BICC1: variants seen among roughly 807,000 people sequenced by gnomAD.
BICC1 encodes protein bicaudal C homolog 1.
A neutral mutation model predicts 111.0 loss-of-function variants in BICC1; 43 were observed. The observed-to-expected ratio is 0.39, with a 90% CI of 0.30 to 0.50. The LOEUF is 0.50. Among genes scored for constraint, BICC1 ranks in the 20% least tolerant of loss-of-function variants. The pLI is 0.88. For synonymous variants in BICC1, 467 were observed against 434.4 expected (o/e 1.07, Z -0.93); for missense variants, 1,091 against 1,203.2 (o/e 0.91, Z 1.38).
chr10:58,800,791 C>G lies in BICC1; in HGVS notation c.1859-99C>G, dbSNP rs549464743. 3.3e-6 allele frequency: 4 copies of G among 1,206,088 alleles called. No individual in the cohort carries two copies. In the South Asian group the frequency reaches 5.1e-5, roughly 15 times the overall value. The allele number at this position is 1,206,088 out of a possible 1,614,324, so 74.7% of individuals were successfully genotyped here. On this transcript the variant is annotated intron_variant, in intron 13 of 20. Coordinates refer to ENST00000373886, the MANE Select transcript of BICC1 (RefSeq NM_001080512.3). Reference sequence around the variant, plus strand: ...GGTCTCTGTCAGGTTAATCATGTCTCCATAGAGTAGGGTTCTGATTTGTTT... The same window carrying G: ...GGTCTCTGTCAGGTTAATCATGTCTGCATAGAGTAGGGTTCTGATTTGTTT...
intron 1 of BICC1, among the ~76,000 whole-genome samples, chr10:58,513,637 A>G (rs1292693427): frequency 6.6e-6 from 1 of 152,188 alleles, no homozygotes; most frequent in East Asian, 1.9e-4. Flanking sequence ...GGAGATGCCA[A>G]CTTTAGCCCG....
intron 11 of BICC1, 51 bp downstream of exon 11, chr10:58,798,611 G>T: frequency 3.5e-6 from 5 of 1,411,206 alleles, no homozygotes; most frequent in Non-Finnish European, 4.7e-6. Context: ...GGTGTTACCA[G>T]TTTTTTAAAT....
intron 1 of BICC1, among the ~76,000 whole-genome samples, chr10:58,587,209 T>G (rs1426997278): frequency 6.6e-6 from 1 of 152,186 alleles, no homozygotes; most frequent in East Asian, 1.9e-4. Flanking sequence ...TTCTGCTTGC[T>G]TTACCTAATA....
chr10:58,781,416 T>C (rs1163427102), intron 3 of BICC1, among the ~76,000 whole-genome samples: 1 of 152,176 alleles, frequency 6.6e-6, no homozygotes, highest in East Asian at 1.9e-4. Context: ...AAAACCAAAT[T>C]AAACATGACC....
At chr10:58,733,914 T>C (rs917869897) in intron 3 of BICC1, among the ~76,000 whole-genome samples, 1 of 152,242 alleles carries the variant, frequency 6.6e-6, no homozygotes, top group Non-Finnish European at 1.5e-5. Context: ...TTTGAAATTA[T>C]GGGCAAGTTA....
intron 3 of BICC1, among the ~76,000 whole-genome samples, chr10:58,759,021 A>G (rs947591622): frequency 6.6e-6 from 1 of 151,752 alleles, no homozygotes; most frequent in African/African-American, 2.4e-5. Context: ...GTGCAGTGGC[A>G]CAATCTCGGC....
chr10:58,590,340 C>T (rs1287022218), intron 1 of BICC1, among the ~76,000 whole-genome samples: 1 of 152,140 alleles, frequency 6.6e-6, no homozygotes, highest in African/African-American at 2.4e-5. Flanking sequence ...ATGTAAACTG[C>T]CTGCTTGTGC....
intron 10 of BICC1, 107 bp from the exon 11 acceptor site, chr10:58,798,292 A>G (rs888806483): frequency 3.1e-5 from 27 of 858,922 alleles, no homozygotes; most frequent in South Asian, 1.3e-4. Flanking sequence ...TATATTTAGA[A>G]AATATCAGAT....
intron 2 of BICC1, among the ~76,000 whole-genome samples, chr10:58,651,324 A>G (rs777029850): frequency 1.3e-5 from 2 of 152,198 alleles, no homozygotes; most frequent in Non-Finnish European, 2.9e-5. Flanking sequence ...ATTGTGGAGG[A>G]CATCACCCAC....
intron 1 of BICC1, among the ~76,000 whole-genome samples, chr10:58,550,300 G>A (rs1201136455): frequency 6.6e-6 from 1 of 152,118 alleles, no homozygotes; most frequent in Non-Finnish European, 1.5e-5. Flanking sequence ...AGGGCTACAG[G>A]CATGAGTCTC....
At position 58,658,415 on chromosome 10, in the gene BICC1, C is replaced by G. The variant is rs563089450; in HGVS notation, c.237+37514C>G. 3.9e-5 allele frequency among the ~76,000 whole-genome samples: 6 copies of G among 152,208 alleles called. No homozygotes were observed. The East Asian group carries it at 1.2e-3, about 30-fold the overall frequency. ...TGTTGGCCAGGCTGTTCTCGAACTC[C>G]TGATCTCAGTGATCCACCTGCTTGG... On this transcript the variant is annotated intron_variant, in intron 2 of 20. Transcript: ENST00000373886.
At chr10:58,542,847 TA>T (rs34877289) in intron 1 of BICC1, among the ~76,000 whole-genome samples, 1 of 150,776 alleles carries the variant, frequency 6.6e-6, no homozygotes, top group East Asian at 2.0e-4. Flanking sequence ...TGGCCATTAT[TA>T]AAAAAAAACA....
chr10:58,632,321 C>T (rs750612291), intron 2 of BICC1, among the ~76,000 whole-genome samples: 16 of 152,228 alleles, frequency 1.1e-4, no homozygotes, highest in Admixed American at 2.6e-4. Flanking sequence ...CTGCTAAGGA[C>T]GCCATTCATG....
At chr10:58,693,101 A>C (rs576626066) in intron 2 of BICC1, among the ~76,000 whole-genome samples, 38 of 152,208 alleles carry the variant, frequency 2.5e-4, no homozygotes, top group African/African-American at 8.9e-4. Flanking sequence ...ATGAGTGAGA[A>C]CATGCGGTGT....
intron 2 of BICC1, among the ~76,000 whole-genome samples, chr10:58,672,385 G>A (rs1271051151): frequency 6.6e-6 from 1 of 151,982 alleles, no homozygotes. Flanking sequence ...ATAAGGACGG[G>A]CACTTATTTA....
At chr10:58,517,694 T>G (rs1179437515) in intron 1 of BICC1, among the ~76,000 whole-genome samples, 1 of 152,196 alleles carries the variant, frequency 6.6e-6, no homozygotes, top group Non-Finnish European at 1.5e-5. Flanking sequence ...TGATGCTACA[T>G]TTTAATAGGG....
chr10:58,532,527 T>A (rs1405255789), intron 1 of BICC1, among the ~76,000 whole-genome samples: 1 of 151,760 alleles, frequency 6.6e-6, no homozygotes, highest in African/African-American at 2.4e-5. Context: ...ACCAAAGAAA[T>A]CAGCTGCTTC....
intron 1 of BICC1, among the ~76,000 whole-genome samples, chr10:58,578,327 A>G (rs1455607962): frequency 6.6e-6 from 1 of 151,912 alleles, no homozygotes; most frequent in African/African-American, 2.4e-5. Context: ...AATCTCTTCT[A>G]CTTGTTCTTT....
chr10:58,616,208 G>C (rs1845599975), intron 1 of BICC1, among the ~76,000 whole-genome samples: 1 of 152,224 alleles, frequency 6.6e-6, no homozygotes, highest in Non-Finnish European at 1.5e-5. Flanking sequence ...GAGGCTGTTA[G>C]TGAGACCGAG....
Sources: allele counts gnomAD v4.1 joint callset (sites outside exome capture counted in the v4.1 genomes callset), GRCh38; gene constraint gnomAD v4.1.1; transcripts MANE v1.5; gene names NCBI Gene and HGNC (gene_info 2026-07-23, HGNC 2026-07-21).